Variants in ZFP64 observed in about 807,000 individuals in gnomAD.
The protein encoded by ZFP64 is ZFP64 zinc finger protein, also known as zinc finger protein 64.
In ZFP64, 14 loss-of-function variants were observed where a neutral mutation model predicts 51.6. The ratio of observed to expected loss-of-function variants is 0.27; its 90% CI spans 0.18 to 0.42. The LOEUF is 0.42. Ranked by LOEUF, ZFP64 falls within the 10% of genes least tolerant of loss-of-function variation. The probability of loss-of-function intolerance (pLI) is 1.00; values close to 1 mark genes in which losing one functional copy is unlikely to be tolerated. For synonymous variants in ZFP64, 375 were observed against 361.4 expected (o/e 1.04, Z -0.43); for missense variants, 754 against 906.8 (o/e 0.83, Z 2.16).
At chr20:52,172,582 C>T (rs1257927131) in intron 2 of ZFP64, among the ~76,000 whole-genome samples, 3 of 152,034 alleles carry the variant, frequency 2.0e-5, no homozygotes, top group Admixed American at 6.6e-5. Flanking sequence ...TCTGCTGAGG[C>T]GGGATGACTC....
At chr20:52,131,629 T>C (rs1312562572) in intron 5 of ZFP64, among the ~76,000 whole-genome samples, 2 of 152,216 alleles carry the variant, frequency 1.3e-5, no homozygotes, top group Non-Finnish European at 2.9e-5. Context: ...CAGGTCACTA[T>C]ATATAATGTT....
chr20:52,160,322 G>A lies in ZFP64; in HGVS notation c.564C>T (p.Asp188=). 2 of 1,614,238 alleles carry A rather than the reference G, an allele frequency of 1.2e-6. No individual in the cohort carries two copies. Among genetic ancestry groups the A allele is most frequent in the Non-Finnish European group, 1.7e-6 (2 of 1,180,052 alleles). ...EVCGKCFSRK[D]KLKTHMRCHT... is the part of the protein sequence containing the mutation. The stretch of plus-strand genomic sequence containing the variant: ...GGCACCGCATGTGAGTTTTCAGCTT[G>A]TCTTTCCGGCTAAAGCACTTGCCAC... Residue 188 remains aspartate, a synonymous_variant, in exon 5 of 6, where the codon GAC becomes GAT. Coordinates refer to ENST00000216923, the MANE Select transcript of ZFP64 (RefSeq NM_018197.3). The surrounding 1 kb of genome is among the most constrained non-coding windows in gnomAD (Gnocchi z 4.2).
chr20:52,159,946 G>T (rs1213934556), intron 5 of ZFP64, among the ~76,000 whole-genome samples, 177 bp downstream of exon 5: 1 of 152,160 alleles, frequency 6.6e-6, no homozygotes, highest in African/African-American at 2.4e-5. Context: ...CTGCACTCCA[G>T]CCAGGGCAAC....
At chr20:52,116,462 A>T (rs1313009324) in intron 5 of ZFP64, among the ~76,000 whole-genome samples, 2 of 149,260 alleles carry the variant, frequency 1.3e-5, no homozygotes, top group Non-Finnish European at 3.0e-5. Flanking sequence ...TTTTTTTTTT[A>T]AAGAAAATAA....
At chr20:52,134,212 T>A (rs77625959) in intron 5 of ZFP64, among the ~76,000 whole-genome samples, 1 of 151,992 alleles carries the variant, frequency 6.6e-6, no homozygotes. Flanking sequence ...TTAAAAAAAA[T>A]ACACTTCAGG....
rs771316745 is a variant in ZFP64, at chr20:52,085,001, T to C, written c.1494A>G (p.Pro498=). The C allele has an allele frequency of 1.9e-6, 3 of 1,613,998 alleles. No homozygotes were observed. Among genetic ancestry groups the C allele is most frequent in the African/African-American group, 2.7e-5 (2 of 74,958 alleles). The change falls in exon 9 of 9, where the codon CCA becomes CCG. Residue 498 remains proline (P), a synonymous_variant. Transcript: ENST00000361387. The surrounding 1 kb of genome is among the most constrained non-coding windows in gnomAD (Gnocchi z 4.3). The stretch of plus-strand genomic sequence containing the variant: ...CGCTGGAGCAGGAGTAGCTGCACTC[T>C]GGACACTTCTCCGGGTGGTCGGCCT...
At chr20:52,089,116 G>GT in intron 7 of ZFP64, 2 of 488,530 alleles carry the variant, frequency 4.1e-6, no homozygotes, top group Non-Finnish European at 8.1e-6. Context: ...GAGATGCCAG[G>GT]GACAGCAGAA....
intron 5 of ZFP64, among the ~76,000 whole-genome samples, chr20:52,117,478 G>T (rs1388206551): frequency 6.6e-6 from 1 of 152,058 alleles, no homozygotes; most frequent in Non-Finnish European, 1.5e-5. Flanking sequence ...AATCAGCTAG[G>T]CATGGTGGTG....
intron 5 of ZFP64, chr20:52,105,396 T>C: frequency 8.1e-7 from 1 of 1,229,964 alleles, no homozygotes; most frequent in East Asian, 3.2e-5. Flanking sequence ...TCCTGACGGC[T>C]GATTGGCCTG....
intron 6 of ZFP64, chr20:52,097,505 A>G (rs1487028706): frequency 6.3e-6 from 9 of 1,434,626 alleles, no homozygotes; most frequent in Non-Finnish European, 8.5e-6. Context: ...CCCAGGCTGG[A>G]GTGCAGTGGC....
chr20:52,137,211 T>C (rs1980023703), intron 5 of ZFP64, among the ~76,000 whole-genome samples: 1 of 152,178 alleles, frequency 6.6e-6, no homozygotes, highest in Non-Finnish European at 1.5e-5. Flanking sequence ...AGATTAATAA[T>C]ATTTCCTATT....
At position 52,160,095 on chromosome 20, in the gene ZFP64, T is replaced by G; in HGVS notation, c.763+28A>C. 1 of 1,614,076 alleles carries G rather than the reference T, an allele frequency of 6.2e-7. No homozygotes were observed. The highest frequency in any genetic ancestry group is 8.5e-7 in the Non-Finnish European group (1 of 1,180,034). ...TTTATGCCATAGAAAGTGAGGAGCG[T>G]AGAGAGCAAATAACAGGCAGGACTC... On this transcript the variant is annotated intron_variant, in intron 5 of 5. Coordinates refer to ENST00000216923, the MANE Select transcript of ZFP64 (RefSeq NM_018197.3). This position sits in a 1 kb window ranked among gnomAD's most constrained non-coding sequence, Gnocchi z 4.2.
intron 5 of ZFP64, among the ~76,000 whole-genome samples, chr20:52,112,907 G>C (rs113562587): frequency 6.7e-6 from 1 of 149,786 alleles, no homozygotes; most frequent in Non-Finnish European, 1.5e-5. Context: ...ATGAGCCACC[G>C]TGCCTGGCTG....
chr20:52,188,943 TCCAG>T (rs1243589482), intron 1 of ZFP64, among the ~76,000 whole-genome samples: 2 of 151,550 alleles, frequency 1.3e-5, no homozygotes, highest in African/African-American at 4.9e-5. Flanking sequence ...GCCACTGCAC[TCCAG>T]CCTGGGCGAC....
chr20:52,101,903 T>C (rs1193574197), intron 5 of ZFP64, among the ~76,000 whole-genome samples: 1 of 138,190 alleles, frequency 7.2e-6, no homozygotes, highest in East Asian at 2.2e-4. Context: ...CGTCCCATCC[T>C]GGCTAACACA....
At chr20:52,119,303 G>A (rs539913536) in intron 5 of ZFP64, among the ~76,000 whole-genome samples, 2 of 151,566 alleles carry the variant, frequency 1.3e-5, no homozygotes, top group South Asian at 4.2e-4. Context: ...GATCACCTGA[G>A]GTCAGGAGTT....
intron 5 of ZFP64, among the ~76,000 whole-genome samples, chr20:52,109,455 C>T (rs1978430997): frequency 6.6e-6 from 1 of 152,096 alleles, no homozygotes; most frequent in African/African-American, 2.4e-5. Context: ...AGCCACCGTG[C>T]CTGGCCAGAA....
rs560994833 is a variant in ZFP64 at position 52,191,136 on chromosome 20, C to A, written c.46+455G>T. ...AATGAGGAAAAGGCTTTGCAATGAG[C>A]CGGCAGGACCTCGTGAGACCTGGTG... On this transcript the variant is annotated intron_variant, in intron 1 of 5. Transcript: ENST00000216923. This position sits in a 1 kb window ranked among gnomAD's most constrained non-coding sequence, Gnocchi z 4.3. Among the ~76,000 whole-genome samples, 10 of 152,286 alleles carry A rather than the reference C, an allele frequency of 6.6e-5. No individual in the cohort carries two copies. The South Asian group carries it at 2.1e-3, about 32-fold the overall frequency.
intron 5 of ZFP64, among the ~76,000 whole-genome samples, chr20:52,111,517 C>T (rs926141454): frequency 2.5e-4 from 37 of 150,854 alleles, no homozygotes; most frequent in African/African-American, 8.7e-4. Context: ...GCCCAGAATC[C>T]GATTTTTTTT....
Sources: gnomAD v4.1 joint callset for allele counts (sites outside exome capture counted in the v4.1 genomes callset) on GRCh38, gnomAD v4.1.1 for gene constraint, Gnocchi (gnomAD v3.1) non-coding constraint, MANE v1.5 for transcripts, NCBI Gene and HGNC (gene_info 2026-07-23, HGNC 2026-07-21) for gene names.